The following CDH2 variants were observed in gnomAD, a reference collection of about 807,000 sequenced individuals.
The protein encoded by CDH2 is cadherin-2.
A neutral mutation model predicts 92.0 loss-of-function variants in CDH2; 17 were observed. The ratio of observed to expected loss-of-function variants is 0.18; its 90% CI spans 0.13 to 0.28. CDH2 has a LOEUF of 0.28. CDH2 is among the 10% of genes least tolerant of loss of function. The probability of loss-of-function intolerance (pLI) is 1.00; values close to 1 mark genes in which losing one functional copy is unlikely to be tolerated. For synonymous variants in CDH2, 419 were observed against 415.9 expected, an observed-to-expected ratio of 1.01 and a Z score of -0.09; for missense variants, 862 against 1,133.1, an observed-to-expected ratio of 0.76 and a Z score of 3.44.
chr18:27,958,425 T>C (rs769681548), intron 15 of CDH2, among the ~76,000 whole-genome samples: 24 of 151,766 alleles, frequency 1.6e-4, no homozygotes, highest in Non-Finnish European at 3.1e-4. Flanking sequence ...ATACTTCATA[T>C]ACTAATGAAT....
intron 5 of CDH2, among the ~76,000 whole-genome samples, chr18:28,008,684 T>C (rs767002771): frequency 6.6e-6 from 1 of 151,856 alleles, no homozygotes; most frequent in African/African-American, 2.4e-5. Flanking sequence ...ACATGGCACA[T>C]GTATACATGT....
downstream of CDH2, among the ~76,000 whole-genome samples, chr18:27,948,135 T>A (rs1909322506): frequency 6.6e-6 from 1 of 151,114 alleles, no homozygotes. Flanking sequence ...ATAAGTGATA[T>A]AACTTTGATA....
rs145041187 is a variant in CDH2 at position 28,051,575 on chromosome 18, T to G, written c.173-37666A>C. On this transcript the variant is annotated intron_variant, in intron 2 of 15. Coordinates refer to ENST00000269141, the MANE Select transcript of CDH2 (RefSeq NM_001792.5). ...AGTGCTGAACTTTTTAAAATTAAGA[T>G]ATTAAATGTCAAACATTTTTATTAA... 2.5e-3 allele frequency among the ~76,000 whole-genome samples: 382 copies of G among 152,284 alleles called. 1 individual carries two copies. In the Middle Eastern group the frequency reaches 0.027, roughly 11 times the overall value.
At chr18:28,000,922 A>G (rs1031750104) in intron 7 of CDH2, among the ~76,000 whole-genome samples, 2 of 152,174 alleles carry the variant, frequency 1.3e-5, no homozygotes, top group Non-Finnish European at 2.9e-5. Context: ...AGTCTGCACG[A>G]GGCCTGAAAA....
intron 1 of CDH2, among the ~76,000 whole-genome samples, chr18:28,162,134 C>CT (rs902675111): frequency 6.6e-6 from 1 of 152,136 alleles, no homozygotes; most frequent in Non-Finnish European, 1.5e-5. Flanking sequence ...AGCATTATTG[C>CT]TTAGGCCCCT....
At chr18:28,089,455 G>A (rs2014997045) in intron 2 of CDH2, among the ~76,000 whole-genome samples, 2 of 152,012 alleles carry the variant, frequency 1.3e-5, no homozygotes, top group South Asian at 4.1e-4. Flanking sequence ...TTCCTAGAAG[G>A]AAATTTTTAA....
At chr18:28,170,911 G>C (rs2016454391) in intron 1 of CDH2, among the ~76,000 whole-genome samples, 1 of 148,040 alleles carries the variant, frequency 6.8e-6, no homozygotes. Flanking sequence ...ATAAATACAT[G>C]CATACCTGTA....
chr18:27,933,680 T>C (rs1442760856), intron 6 of CDH2, among the ~76,000 whole-genome samples: 1 of 152,236 alleles, frequency 6.6e-6, no homozygotes, highest in Non-Finnish European at 1.5e-5. Flanking sequence ...CTTGTAATTC[T>C]AACCCGTTTC....
At chr18:28,065,666 T>C (rs2014492485) in intron 2 of CDH2, among the ~76,000 whole-genome samples, 1 of 152,192 alleles carries the variant, frequency 6.6e-6, no homozygotes, top group African/African-American at 2.4e-5. Context: ...GTCCTGACTT[T>C]GTAAGAAATG....
At chr18:27,954,075 G>A (rs4363925) in intron 15 of CDH2, among the ~76,000 whole-genome samples, 39,908 of 151,860 alleles carry the variant, frequency 0.26, 5,741 homozygotes, top group East Asian at 0.45. Flanking sequence ...ACTACTTTTC[G>A]TCATGTCATT....
intron 2 of CDH2, among the ~76,000 whole-genome samples, chr18:28,015,115 C>G (rs545347842): frequency 2.0e-5 from 3 of 152,084 alleles, no homozygotes; most frequent in African/African-American, 4.8e-5. Flanking sequence ...TGAACCCTCC[C>G]ACTGCACATA....
chr18:28,109,560 G>A (rs1053207309), intron 2 of CDH2, among the ~76,000 whole-genome samples: 3 of 151,984 alleles, frequency 2.0e-5, no homozygotes, highest in African/African-American at 4.8e-5. Context: ...AGCTGGATAG[G>A]GAATAACCAT....
intron 9 of CDH2, 110 bp from the exon 10 acceptor site, chr18:27,990,460 A>G (rs2012381398): frequency 2.0e-6 from 2 of 981,060 alleles, no homozygotes; most frequent in East Asian, 2.5e-5. Flanking sequence ...TTCATTCACT[A>G]CATAACAAGG....
chr18:28,076,331 G>A (rs540351575), intron 2 of CDH2, among the ~76,000 whole-genome samples: 1 of 152,154 alleles, frequency 6.6e-6, no homozygotes, highest in Non-Finnish European at 1.5e-5. Flanking sequence ...CTTACTATTT[G>A]CTAGCTGGAT....
chr18:27,997,590 T>C (rs2012622714), intron 7 of CDH2, among the ~76,000 whole-genome samples: 1 of 152,106 alleles, frequency 6.6e-6, no homozygotes, highest in African/African-American at 2.4e-5. Flanking sequence ...CTAAACAGAT[T>C]GCAGGTAGAG....
intron 6 of CDH2, among the ~76,000 whole-genome samples, chr18:27,945,133 TAAG>T (rs1017090230): frequency 3.3e-5 from 5 of 151,966 alleles, no homozygotes; most frequent in African/African-American, 9.7e-5. Flanking sequence ...TTAATTAGGC[TAAG>T]AAGCAGAAAA....
At chr18:28,080,536 TA>T (rs765959065) in intron 2 of CDH2, among the ~76,000 whole-genome samples, 3 of 152,060 alleles carry the variant, frequency 2.0e-5, no homozygotes, top group Non-Finnish European at 4.4e-5. Flanking sequence ...AAGAAATACT[TA>T]AAAAAACCTG....
chr18:28,155,743 G>A (rs1012978530), intron 1 of CDH2, among the ~76,000 whole-genome samples: 1 of 152,166 alleles, frequency 6.6e-6, no homozygotes. Context: ...AGAACATTCA[G>A]CACGACTAAT....
At chr18:28,173,257 T>C (rs1204321645) in intron 1 of CDH2, among the ~76,000 whole-genome samples, 1 of 152,144 alleles carries the variant, frequency 6.6e-6, no homozygotes, top group African/African-American at 2.4e-5. Flanking sequence ...CATAAAATAC[T>C]GTTTTTCAAA....
Sources: allele counts gnomAD v4.1 joint callset (sites outside exome capture counted in the v4.1 genomes callset), GRCh38; gene constraint gnomAD v4.1.1; transcripts MANE v1.5; gene names NCBI Gene and HGNC (gene_info 2026-07-23, HGNC 2026-07-21).